Variants in BIRC6 observed in about 807,000 individuals in gnomAD.
BIRC6 encodes dual E2 ubiquitin-conjugating enzyme/E3 ubiquitin-protein ligase BIRC6.
Under a neutral mutation model 503.3 loss-of-function variants are expected in BIRC6, and 98 were observed. The observed-to-expected ratio is 0.19, with a 90% CI of 0.17 to 0.23. BIRC6 has a LOEUF of 0.23. Ranked by LOEUF, BIRC6 falls within the 10% of genes least tolerant of loss-of-function variation. The probability of loss-of-function intolerance (pLI) is 1.00; values close to 1 mark genes in which losing one functional copy is unlikely to be tolerated. For synonymous variants in BIRC6, 2,240 were observed against 2,078.7 expected (o/e 1.08, Z -2.11); for missense variants, 5,360 against 5,806.0 (o/e 0.92, Z 2.50).
At chr2:32,468,380 C>T (rs1365011550) in intron 28 of BIRC6, 57 bp from the exon 29 acceptor site, 2 of 1,353,734 alleles carry the variant, frequency 1.5e-6, no homozygotes, top group African/African-American at 2.9e-5. Context: ...AGTATTTGTA[C>T]ATGTACATAA....
chr2:32,540,339 A>T (rs2057560858), intron 61 of BIRC6, among the ~76,000 whole-genome samples: 2 of 152,086 alleles, frequency 1.3e-5, no homozygotes, highest in South Asian at 4.1e-4. Context: ...ACATGGTTGG[A>T]ATATCGTAAT....
At position 32,377,394 on chromosome 2, in the gene BIRC6, T is replaced by A. The variant is rs113658872; in HGVS notation, c.326-194T>A. 1.7e-3 allele frequency among the ~76,000 whole-genome samples: 257 copies of A among 152,326 alleles called. 1 individual carries two copies. Among genetic ancestry groups the A allele is most frequent in the African/African-American group, 5.5e-3 (230 of 41,566 alleles). On this transcript the variant is annotated intron_variant, in intron 1 of 73. Coordinates refer to ENST00000421745, the MANE Select transcript of BIRC6 (RefSeq NM_016252.4). ...TTGTCAAATTTTAGTAATTTCACAT[T>A]GATACTTTTATCTAATTTATGGTAC...
rs915143325 is a variant in BIRC6 at position 32,503,058 on chromosome 2, A to G, written c.9321A>G (p.Ile3107Met). 3.1e-6 allele frequency: 5 copies of G among 1,599,236 alleles called. No individual in the cohort carries two copies. Among genetic ancestry groups the G allele is most frequent in the African/African-American group, 1.3e-5 (1 of 74,572 alleles). The change falls in exon 49 of 74, where the codon ATA becomes ATG. Residue 3107 changes from isoleucine to methionine, a missense_variant. Transcript: ENST00000421745. ...TAAATTTAGGTGGTGTTCAGCTCAT[A>G]TGCAATAATATGGTTACTAGTACAA... is the stretch of plus-strand genomic sequence containing the variant. ...AFHDMGGVQL[I>M]CNNMVTSTRA...
Position 32,557,978 on chromosome 2 carries a change from A to T in BIRC6, c.13144+8497A>T, listed in dbSNP as rs191672224. On this transcript the variant is annotated intron_variant, in intron 65 of 73. Coordinates refer to ENST00000421745, the MANE Select transcript of BIRC6 (RefSeq NM_016252.4). The stretch of plus-strand genomic sequence containing the variant: ...CTAGAAAATACTAGTAAATACTAGA[A>T]AATTGCTAGAAAAGAAATACTAGCT... 7 of 152,324 alleles carry T rather than the reference A, an allele frequency of 4.6e-5. No individual in the cohort carries two copies. The East Asian group carries it at 1.3e-3, about 29-fold the overall frequency. 9.4% of individuals were successfully genotyped at this position (152,324 alleles called of 1,614,324 possible). A position where few individuals can be genotyped will look rare whatever the true frequency, so the allele number is the denominator to read the frequency against.
chr2:32,480,664 G>A (rs1466827333), intron 37 of BIRC6, among the ~76,000 whole-genome samples: 1 of 72,072 alleles, frequency 1.4e-5, no homozygotes, highest in Admixed American at 2.1e-4. Flanking sequence ...TTTTTGAGAC[G>A]GAGTCTTGCT....
chr2:32,449,027 G>T, intron 22 of BIRC6, 99 bp downstream of exon 22: 1 of 1,184,036 alleles, frequency 8.4e-7, no homozygotes, highest in Non-Finnish European at 1.2e-6. Context: ...TTTGTCTTTA[G>T]AAAACTAAAA....
At position 32,429,294 on chromosome 2, in the gene BIRC6, A is replaced by G; in HGVS notation, c.3021A>G (p.Ser1007=). 1 of 1,490,504 alleles carries G rather than the reference A, an allele frequency of 6.7e-7. No individual in the cohort carries two copies. Among genetic ancestry groups the G allele is most frequent in the South Asian group, 1.4e-5 (1 of 73,392 alleles). 92.3% of individuals were successfully genotyped at this position (1,490,504 alleles called of 1,614,324 possible). A position where few individuals can be genotyped will look rare whatever the true frequency, so the allele number is the denominator to read the frequency against. ...PLSNPSSPGI[S]GVDLLVDQPF... The stretch of plus-strand genomic sequence containing the variant: ...CAAATCCTTCAAGTCCTGGCATTTC[A>G]GGTATGATATTAAATTTTTAAATGA... Residue 1007 remains serine (S), a splice_region_variant and synonymous_variant, in exon 11 of 74, where the codon TCA becomes TCG. Transcript: ENST00000421745.
chr2:32,447,403 C>T (rs112688334), intron 21 of BIRC6, among the ~76,000 whole-genome samples: 8 of 148,500 alleles, frequency 5.4e-5, no homozygotes, highest in East Asian at 2.0e-4. Flanking sequence ...ACCTCCCTCC[C>T]GGACGGGGCG....
chr2:32,531,665 A>T (rs1342062682), intron 61 of BIRC6, 114 bp downstream of exon 61: 1 of 959,852 alleles, frequency 1.0e-6, no homozygotes, highest in African/African-American at 1.7e-5. Flanking sequence ...CCTTTGCTTT[A>T]TATTTTTTGA....
At chr2:32,467,002 C>G (rs776770652) in intron 26 of BIRC6, among the ~76,000 whole-genome samples, 1 of 151,992 alleles carries the variant, frequency 6.6e-6, no homozygotes, top group Non-Finnish European at 1.5e-5. Context: ...GCCTGTAGTG[C>G]CAGCTACTTG....
chr2:32,368,398 G>A (rs1284888889), intron 1 of BIRC6, among the ~76,000 whole-genome samples: 1 of 152,012 alleles, frequency 6.6e-6, no homozygotes, highest in Non-Finnish European at 1.5e-5. Context: ...AAATTAGCCA[G>A]GCGTGGTGGT....
At position 32,357,622 on chromosome 2, in the gene BIRC6, G is replaced by A. The variant is rs2033297038; in HGVS notation, c.325+136G>A. ...GGTTCGGGCCCAGCCGTGAAGGGAGGCCCGGAAGCTGATGGAGGGGGACCT... is the reference window on the plus strand; with the variant it reads ...GGTTCGGGCCCAGCCGTGAAGGGAGACCCGGAAGCTGATGGAGGGGGACCT... On this transcript the variant is annotated intron_variant, in intron 1 of 73. Transcript: ENST00000421745. This position sits in a 1 kb window ranked among gnomAD's most constrained non-coding sequence, Gnocchi z 4.9. 4.2e-6 allele frequency: 6 copies of A among 1,415,406 alleles called. No individual in the cohort carries two copies. The South Asian group carries it at 4.4e-5, about 10-fold the overall frequency. 87.7% of individuals were successfully genotyped at this position (1,415,406 alleles called of 1,614,324 possible).
chr2:32,427,905 AAAAC>A (rs1379032181), intron 10 of BIRC6, among the ~76,000 whole-genome samples: 3 of 152,140 alleles, frequency 2.0e-5, no homozygotes, highest in African/African-American at 4.8e-5. Context: ...TTGTTTTGTG[AAAAC>A]AAACAAACTG....
In BIRC6 at chr2:32,463,307, G is replaced by T. The variant is rs751662887; in HGVS notation, c.4867G>T (p.Ala1623Ser). 6.2e-7 allele frequency: 1 copy of T among 1,613,926 alleles called. No homozygotes were observed. Among genetic ancestry groups the T allele is most frequent in the Admixed American group, 1.7e-5 (1 of 60,020 alleles). ...GGTAGCTTTGCAGTCTCTCTCTCAT[G>T]CAATGGCTTCAGCCGAGCAACAGCT... ...AQVALQSLSH[A>S]MASAEQQLQV... The change falls in exon 24 of 74, where the codon GCA (alanine) becomes TCA (serine). Residue 1623 changes from alanine (A) to serine (S), a missense_variant. Coordinates refer to ENST00000421745, the MANE Select transcript of BIRC6 (RefSeq NM_016252.4).
chr2:32,442,497 C>A (rs573899783), intron 19 of BIRC6, 42 bp downstream of exon 19: 1 of 1,533,852 alleles, frequency 6.5e-7, no homozygotes, highest in African/African-American at 1.4e-5. Context: ...TCTAGGTACA[C>A]CTGCAATTTA....
At chr2:32,385,713 C>A (rs2038349600) in intron 3 of BIRC6, among the ~76,000 whole-genome samples, 1 of 152,202 alleles carries the variant, frequency 6.6e-6, no homozygotes, top group South Asian at 2.1e-4. Flanking sequence ...TCTTGCAGTA[C>A]AGTCTGGTCT....
At chr2:32,438,189 A>G (rs2044954432) in intron 15 of BIRC6, among the ~76,000 whole-genome samples, 1 of 152,234 alleles carries the variant, frequency 6.6e-6, no homozygotes, top group South Asian at 2.1e-4. Flanking sequence ...TTTTTTCCAT[A>G]AAATTCTCCC....
In BIRC6 at chr2:32,575,349, C is replaced by G; in HGVS notation, c.13338C>G (p.Thr4446=). The G allele has an allele frequency of 1.9e-6, 3 of 1,613,822 alleles. No homozygotes were observed. Among genetic ancestry groups the G allele is most frequent in the Non-Finnish European group, 2.5e-6 (3 of 1,179,724 alleles). The change falls in exon 66 of 74, where the codon ACC becomes ACG. Residue 4446 remains threonine (T), a synonymous_variant. Transcript: ENST00000421745. ...LLAKMKTCVD[T]YTNRLRSKRE... ...CCAAAATGAAGACCTGTGTTGATAC[C>G]TATACCAACCGTTTAAGGTACTATA...
intron 61 of BIRC6, chr2:32,532,259 T>G (rs757222587): frequency 1.9e-6 from 1 of 515,470 alleles, no homozygotes; most frequent in Admixed American, 2.1e-5. Flanking sequence ...TTAAAACAAC[T>G]GAAATTTATT....
Sources: allele counts gnomAD v4.1 joint callset (sites outside exome capture counted in the v4.1 genomes callset), GRCh38; gene constraint gnomAD v4.1.1; non-coding constraint Gnocchi (gnomAD v3.1); transcripts MANE v1.5; gene names NCBI Gene and HGNC (gene_info 2026-07-23, HGNC 2026-07-21).